Variants in MARCHF3 observed in about 807,000 individuals in gnomAD.
The protein encoded by MARCHF3 is E3 ubiquitin-protein ligase MARCHF3.
A neutral mutation model predicts 24.2 loss-of-function variants in MARCHF3; 13 were observed. The observed-to-expected ratio is 0.54, with a 90% confidence interval of 0.35 to 0.85. MARCHF3 has a LOEUF of 0.85. Ranked by LOEUF, MARCHF3 falls within the 40% of genes least tolerant of loss-of-function variation. The pLI, the probability that MARCHF3 is intolerant of heterozygous loss-of-function variation, is 0.01. For missense variants in MARCHF3, 276 were observed against 325.0 expected, an observed-to-expected ratio of 0.85 and a Z score of 1.16; for synonymous variants, 144 against 137.3, an observed-to-expected ratio of 1.05 and a Z score of -0.34.
At chr5:126,892,886 C>G (rs1042736593) in intron 3 of MARCHF3, among the ~76,000 whole-genome samples, 1 of 151,636 alleles carries the variant, frequency 6.6e-6, no homozygotes, top group African/African-American at 2.4e-5. Flanking sequence ...CCTTGTACCT[C>G]TGGTAGAATT....
At chr5:126,953,840 C>A (rs2126817411) in intron 1 of MARCHF3, among the ~76,000 whole-genome samples, 1 of 152,276 alleles carries the variant, frequency 6.6e-6, no homozygotes, top group South Asian at 2.1e-4. Flanking sequence ...AGATGTTGGA[C>A]TTCTAGGATT....
At chr5:126,943,985 G>T (rs1749922467) in intron 1 of MARCHF3, among the ~76,000 whole-genome samples, 2 of 151,854 alleles carry the variant, frequency 1.3e-5, no homozygotes, top group Non-Finnish European at 2.9e-5. Context: ...TAATTTTTTT[G>T]TATTTTTAAT....
intron 1 of MARCHF3, among the ~76,000 whole-genome samples, chr5:126,948,252 C>G (rs886384786): frequency 6.6e-6 from 1 of 152,124 alleles, no homozygotes; most frequent in African/African-American, 2.4e-5. Context: ...TCCAGAAACC[C>G]CGAGTGTACC....
chr5:126,882,241 G>C lies in MARCHF3; in HGVS notation c.394-3847C>G, dbSNP rs138828309. 8.3e-3 allele frequency among the ~76,000 whole-genome samples: 1,257 copies of C among 152,296 alleles called. 8 individuals are homozygous for C. Among genetic ancestry groups the C allele is most frequent in the Admixed American group, 0.017 (253 of 15,298 alleles). On this transcript the variant is annotated intron_variant, in intron 3 of 4. Coordinates refer to ENST00000308660, the MANE Select transcript of MARCHF3 (RefSeq NM_178450.5). ...CATTTGTGTGTGTATGCTTGCGTGT[G>C]CAAGGTTTTTTAACTTTTCAGCTAG... is the stretch of plus-strand genomic sequence containing the variant.
intron 3 of MARCHF3, among the ~76,000 whole-genome samples, chr5:126,914,226 G>A (rs564127955): frequency 1.1e-4 from 16 of 151,716 alleles, no homozygotes; most frequent in South Asian, 8.4e-4. Context: ...CTTGTGATCC[G>A]CCCACCTCGG....
At chr5:126,918,809 A>G (rs887365554) in intron 1 of MARCHF3, among the ~76,000 whole-genome samples, 1 of 152,232 alleles carries the variant, frequency 6.6e-6, no homozygotes, top group Admixed American at 6.5e-5. Context: ...CTTTTGCCAT[A>G]TCTGTTGCAT....
At chr5:127,006,548 C>T (rs982852039) in intron 1 of MARCHF3, among the ~76,000 whole-genome samples, 5 of 152,092 alleles carry the variant, frequency 3.3e-5, no homozygotes, top group Non-Finnish European at 7.4e-5. Flanking sequence ...AAATTCATTA[C>T]GTTTAGTATT....
chr5:126,930,414 G>A (rs747291514), intron 1 of MARCHF3, among the ~76,000 whole-genome samples: 2 of 152,192 alleles, frequency 1.3e-5, no homozygotes, highest in African/African-American at 2.4e-5. Flanking sequence ...ATCACTTGGT[G>A]CCACTTGCCC....
At chr5:126,996,522 G>C (rs1453605088) in intron 1 of MARCHF3, among the ~76,000 whole-genome samples, 3 of 149,968 alleles carry the variant, frequency 2.0e-5, no homozygotes, top group Admixed American at 1.3e-4. Context: ...AGCAAGAGTT[G>C]ACTGCAAGGA....
At chr5:126,878,121 C>T in intron 4 of MARCHF3, 64 bp downstream of exon 4, 1 of 1,522,740 alleles carries the variant, frequency 6.6e-7, no homozygotes, top group South Asian at 1.1e-5. Flanking sequence ...AGAGGAAAGG[C>T]TTGTGCCAGC....
intron 3 of MARCHF3, among the ~76,000 whole-genome samples, chr5:126,893,104 T>C (rs1753754152): frequency 1.3e-5 from 2 of 152,020 alleles, no homozygotes; most frequent in South Asian, 2.1e-4. Flanking sequence ...TCTCTGATGG[T>C]AGTTTGTATT....
intron 3 of MARCHF3, among the ~76,000 whole-genome samples, chr5:126,908,457 C>A (rs930781924): frequency 6.6e-6 from 1 of 152,320 alleles, no homozygotes; most frequent in Admixed American, 6.5e-5. Flanking sequence ...TTCAGGTACA[C>A]CAATCAGACA....
intron 1 of MARCHF3, among the ~76,000 whole-genome samples, chr5:127,020,836 G>A (rs907227803): frequency 1.3e-5 from 2 of 151,756 alleles, no homozygotes; most frequent in Non-Finnish European, 1.5e-5. Flanking sequence ...GCAACACGGC[G>A]AGACCTTGTC....
Position 126,870,351 on chromosome 5 carries a change from C to T in MARCHF3, c.*282G>A, listed in dbSNP as rs996578735. On this transcript the variant is annotated 3_prime_UTR_variant, in exon 5 of 5. Coordinates refer to ENST00000308660, the MANE Select transcript of MARCHF3 (RefSeq NM_178450.5). ...CCGTAGCAGGACAACCTTCCTCATACGTTAAAGAGGTGTTCAGAAAATTCC... is the reference window on the plus strand; with the variant it reads ...CCGTAGCAGGACAACCTTCCTCATATGTTAAAGAGGTGTTCAGAAAATTCC... 2.3e-5 allele frequency: 6 copies of T among 262,786 alleles called. No homozygotes were observed. Among genetic ancestry groups the T allele is most frequent in the Admixed American group, 4.8e-5 (1 of 20,724 alleles). The allele number at this position is 262,786 out of a possible 1,614,324, so 16.3% of individuals were successfully genotyped here. A position where few individuals can be genotyped will look rare whatever the true frequency, so the allele number is the denominator to read the frequency against.
chr5:126,886,689 A>G (rs1359896752), intron 3 of MARCHF3, among the ~76,000 whole-genome samples: 1 of 152,122 alleles, frequency 6.6e-6, no homozygotes, highest in African/African-American at 2.4e-5. Flanking sequence ...CTTACTTGAT[A>G]TGTCTCCATT....
intron 1 of MARCHF3, among the ~76,000 whole-genome samples, chr5:126,932,503 T>A (rs1298336285): frequency 1.3e-5 from 2 of 152,198 alleles, no homozygotes; most frequent in Admixed American, 6.5e-5. Flanking sequence ...GCCTCTTGAA[T>A]CTTGCCACTG....
chr5:126,922,871 T>G (rs79941247), intron 1 of MARCHF3, among the ~76,000 whole-genome samples: 2,523 of 152,214 alleles, frequency 0.017, 66 homozygotes, highest in African/African-American at 0.058. Flanking sequence ...AAAACTGTCT[T>G]TCCTCATGTC....
chr5:126,960,266 C>T (rs187153121), intron 1 of MARCHF3, among the ~76,000 whole-genome samples: 2 of 152,096 alleles, frequency 1.3e-5, no homozygotes, highest in Non-Finnish European at 1.5e-5. Context: ...AAATTGTTTA[C>T]GGTTTCTGCT....
At chr5:126,981,077 G>C (rs932191240) in intron 1 of MARCHF3, among the ~76,000 whole-genome samples, 2 of 152,196 alleles carry the variant, frequency 1.3e-5, no homozygotes, top group Admixed American at 6.5e-5. Context: ...CAAACTGATT[G>C]TTAGTGTGCA....
Sources: allele counts gnomAD v4.1 joint callset (sites outside exome capture counted in the v4.1 genomes callset), GRCh38; gene constraint gnomAD v4.1.1; transcripts MANE v1.5; gene names NCBI Gene and HGNC (gene_info 2026-07-23, HGNC 2026-07-21).